The following BCAT1 variants were observed in gnomAD, a reference collection of about 807,000 sequenced individuals.
BCAT1 encodes branched-chain-amino-acid aminotransferase, cytosolic.
A neutral mutation model predicts 52.4 loss-of-function variants in BCAT1; 48 were observed. The observed-to-expected ratio is 0.92, with a 90% CI of 0.73 to 1.16. BCAT1 has a LOEUF of 1.16. Among genes scored for constraint, BCAT1 ranks in the 50% most tolerant of loss-of-function variants. The pLI is 0.00. For missense variants in BCAT1, 451 were observed against 457.1 expected (o/e 0.99, Z 0.12); for synonymous variants, 167 against 161.3 (o/e 1.04, Z -0.27).
At chr12:24,833,935 C>G (rs913087809) in intron 8 of BCAT1, 1 of 158,060 alleles carries the variant, frequency 6.3e-6, no homozygotes, top group African/African-American at 2.4e-5. Context: ...ATCCTCCTGT[C>G]TCAGTCTCCT....
chr12:24,930,368 T>G (rs1943659372), intron 1 of BCAT1, among the ~76,000 whole-genome samples: 1 of 152,176 alleles, frequency 6.6e-6, no homozygotes, highest in South Asian at 2.1e-4. Flanking sequence ...ATGACACCTT[T>G]CCTCAGAGTT....
chr12:24,866,958 T>C (rs1206800849), intron 5 of BCAT1, among the ~76,000 whole-genome samples: 4 of 152,184 alleles, frequency 2.6e-5, no homozygotes, highest in African/African-American at 9.7e-5. Flanking sequence ...CAGTAAATCT[T>C]GCTGCTGCTC....
chr12:24,915,825 T>C (rs910262519), intron 1 of BCAT1, among the ~76,000 whole-genome samples: 10 of 152,350 alleles, frequency 6.6e-5, no homozygotes, highest in African/African-American at 2.4e-4. Flanking sequence ...TTGGCTTTGT[T>C]GGAATTTTTT....
At chr12:24,907,728 C>T (rs924796263) in intron 1 of BCAT1, among the ~76,000 whole-genome samples, 6 of 152,176 alleles carry the variant, frequency 3.9e-5, no homozygotes, top group African/African-American at 1.2e-4. Context: ...ATATTCTCCT[C>T]GCCCTTGAGA....
intron 5 of BCAT1, among the ~76,000 whole-genome samples, chr12:24,856,423 AC>A (rs1941684548): frequency 1.3e-5 from 2 of 152,054 alleles, no homozygotes; most frequent in African/African-American, 2.4e-5. Context: ...TGAAATCCTA[AC>A]CCACGGTGTG....
intron 1 of BCAT1, among the ~76,000 whole-genome samples, chr12:24,937,938 C>T (rs1383180035): frequency 6.6e-6 from 1 of 152,042 alleles, no homozygotes; most frequent in East Asian, 1.9e-4. Context: ...GGGATATGGC[C>T]ATAGGGGTAG....
chr12:24,866,449 T>TG (rs1189647047), intron 5 of BCAT1, among the ~76,000 whole-genome samples: 1 of 152,174 alleles, frequency 6.6e-6, no homozygotes, highest in Non-Finnish European at 1.5e-5. Flanking sequence ...CCACAGTGCC[T>TG]GGTCCCATCA....
chr12:24,944,974 T>C (rs1013291173), intron 1 of BCAT1, among the ~76,000 whole-genome samples: 1 of 152,222 alleles, frequency 6.6e-6, no homozygotes, highest in Non-Finnish European at 1.5e-5. Context: ...TTTTGCAAAA[T>C]AGTCTTTCCC....
chr12:24,842,652 C>A (rs1021932237), intron 6 of BCAT1, among the ~76,000 whole-genome samples: 6 of 152,038 alleles, frequency 3.9e-5, no homozygotes, highest in Non-Finnish European at 8.8e-5. Flanking sequence ...AGAGAAGTAA[C>A]TTCTGTCAAG....
chr12:24,911,336 C>G (rs933713506), intron 1 of BCAT1, among the ~76,000 whole-genome samples: 3 of 152,102 alleles, frequency 2.0e-5, no homozygotes, highest in African/African-American at 7.2e-5. Flanking sequence ...CTCACACAGA[C>G]CGCCACAAAT....
intron 1 of BCAT1, among the ~76,000 whole-genome samples, chr12:24,934,640 G>A (rs1194795584): frequency 6.6e-6 from 1 of 152,050 alleles, no homozygotes; most frequent in African/African-American, 2.4e-5. Context: ...TGCAACCTCT[G>A]CTCCCAGGTT....
At chr12:24,835,254 T>G (rs1940867643) in intron 8 of BCAT1, among the ~76,000 whole-genome samples, 1 of 152,238 alleles carries the variant, frequency 6.6e-6, no homozygotes, top group Non-Finnish European at 1.5e-5. Context: ...TTGGGTCTTG[T>G]CTACTTCAGG....
intron 5 of BCAT1, among the ~76,000 whole-genome samples, chr12:24,878,067 T>C (rs1591831632): frequency 6.6e-6 from 1 of 150,564 alleles, no homozygotes; most frequent in South Asian, 2.1e-4. Flanking sequence ...GGCAGGAGGA[T>C]CACTTGAGCC....
chr12:24,874,199 C>T (rs891610227), intron 5 of BCAT1, among the ~76,000 whole-genome samples: 7 of 151,862 alleles, frequency 4.6e-5, no homozygotes, highest in Non-Finnish European at 8.8e-5. Context: ...CTGTAGTCCC[C>T]GCTAATCAGG....
chr12:24,863,234 T>C (rs543173175), intron 5 of BCAT1, among the ~76,000 whole-genome samples: 3 of 152,364 alleles, frequency 2.0e-5, no homozygotes, highest in South Asian at 2.1e-4. Context: ...AAAGAAGTGA[T>C]AATGACTACT....
Position 24,849,804 on chromosome 12 carries a change from C to G in BCAT1, c.656G>C (p.Gly219Ala), listed in dbSNP as rs201825281. The change falls in exon 6 of 11, where the codon GGG becomes GCG. Residue 219 changes from glycine (G) to alanine (A), a missense_variant. Coordinates refer to ENST00000261192, the MANE Select transcript of BCAT1 (RefSeq NM_005504.7). ...KYVRAWKGGTGDCKMGGNYGS... is the reference protein window; with the variant it reads ...KYVRAWKGGTADCKMGGNYGS... ...TACTTACCCTCCCATCTTGCAGTCCCCAGTTCCACCTTTCCAGGCTCTTAC... is the reference window on the plus strand; with the variant it reads ...TACTTACCCTCCCATCTTGCAGTCCGCAGTTCCACCTTTCCAGGCTCTTAC... 8.1e-6 allele frequency: 13 copies of G among 1,611,644 alleles called. No homozygotes were observed. The East Asian group carries it at 2.5e-4, about 30-fold the overall frequency.
intron 1 of BCAT1, among the ~76,000 whole-genome samples, chr12:24,933,439 C>A (rs138834514): frequency 0.015 from 2,240 of 152,164 alleles, 34 homozygotes; most frequent in Non-Finnish European, 0.021. Context: ...TGCTCATAAC[C>A]ATGTGTTATA....
At chr12:24,935,818 C>T (rs1368459005) in intron 1 of BCAT1, among the ~76,000 whole-genome samples, 1 of 152,192 alleles carries the variant, frequency 6.6e-6, no homozygotes, top group African/African-American at 2.4e-5. Context: ...TTTCATTCCA[C>T]TGTATGACAA....
At chr12:24,887,080 A>AAAAAAATATAT (rs1245203518) in intron 3 of BCAT1, among the ~76,000 whole-genome samples, 29 of 40,738 alleles carry the variant, frequency 7.1e-4, no homozygotes, top group Non-Finnish European at 1.0e-3. Context: ...AAAAAAAAAA[A>AAAAAAATATAT]ATATATATAT....
Sources: allele counts gnomAD v4.1 joint callset (sites outside exome capture counted in the v4.1 genomes callset), GRCh38; gene constraint gnomAD v4.1.1; transcripts MANE v1.5; gene names NCBI Gene and HGNC (gene_info 2026-07-23, HGNC 2026-07-21).